The following AFAP1L1 variants were observed in gnomAD, a reference collection of about 807,000 sequenced individuals.
AFAP1L1 encodes the protein actin filament associated protein 1 like 1, also known as actin filament-associated protein 1-like 1.
In AFAP1L1, 77 loss-of-function variants were observed where a neutral mutation model predicts 99.8. The observed-to-expected ratio is 0.77, with a 90% CI of 0.64 to 0.93. The LOEUF (loss-of-function observed/expected upper bound fraction) is 0.93. Ranked by LOEUF, AFAP1L1 falls within the 40% of genes least tolerant of loss-of-function variation. AFAP1L1 has a pLI of 0.00. For synonymous variants in AFAP1L1, 373 were observed against 395.3 expected, an observed-to-expected ratio of 0.94 and a Z score of 0.67; for missense variants, 893 against 996.8, an observed-to-expected ratio of 0.90 and a Z score of 1.40.
rs1561690796 is a variant in AFAP1L1 at position 149,341,072 on chromosome 5, G to A, written c.*1042G>A. The A allele has an allele frequency of 6.6e-6, 1 of 152,144 alleles. No homozygotes were observed. Among genetic ancestry groups the A allele is most frequent in the Non-Finnish European group, 1.5e-5 (1 of 68,020 alleles). 9.4% of individuals were successfully genotyped at this position (152,144 alleles called of 1,614,324 possible). ...TCAAGTCCTGGGCAGTCTCCTTACT[G>A]TGCTACTCACTACTGTCTCAACACT... is the stretch of plus-strand genomic sequence containing the variant. On this transcript the variant is annotated 3_prime_UTR_variant, in exon 19 of 19. Coordinates refer to ENST00000296721, the MANE Select transcript of AFAP1L1 (RefSeq NM_152406.4).
Position 149,306,352 on chromosome 5 carries a change from C to A in AFAP1L1, c.483C>A (p.Asp161Glu), listed in dbSNP as rs375197456. The change falls in exon 6 of 19, where the codon GAC becomes GAA. Residue 161 changes from aspartate to glutamate, a missense_variant. Asp to Glu is a conservative substitution (Grantham distance 45). Coordinates refer to ENST00000296721, the MANE Select transcript of AFAP1L1 (RefSeq NM_152406.4). ...CGATTGTGGATGGCTACTATGAGGACGCAGACAGCAGCTACCCTGCAACCA... is the reference window on the plus strand; with the variant it reads ...CGATTGTGGATGGCTACTATGAGGAAGCAGACAGCAGCTACCCTGCAACCA... ...SHSIVDGYYE[D>E]ADSSYPATRV... The A allele has an allele frequency of 1.2e-6, 2 of 1,613,626 alleles. No individual in the cohort carries two copies. The highest frequency in any genetic ancestry group is 1.1e-5 in the South Asian group (1 of 90,894).
At chr5:149,279,769 T>C (rs1755456048) in intron 1 of AFAP1L1, among the ~76,000 whole-genome samples, 3 of 152,014 alleles carry the variant, frequency 2.0e-5, no homozygotes, top group Admixed American at 1.3e-4. Context: ...ACACTGGCCC[T>C]GCTCCTTGCA....
chr5:149,312,371 A>G lies in AFAP1L1; in HGVS notation c.1020+167A>G. ...TAGGTGCTTAATAAATGTCTCCTGA[A>G]TTCATGAATGCATGAACAAACGAGT... On this transcript the variant is annotated intron_variant, in intron 9 of 18. Transcript: ENST00000296721. 3 of 707,828 alleles carry G rather than the reference A, an allele frequency of 4.2e-6. No homozygotes were observed. In the South Asian group the frequency reaches 4.6e-5, roughly 11 times the overall value. 43.8% of individuals were successfully genotyped at this position (707,828 alleles called of 1,614,324 possible). A position where few individuals can be genotyped will look rare whatever the true frequency, so the allele number is the denominator to read the frequency against.
intron 15 of AFAP1L1, among the ~76,000 whole-genome samples, chr5:149,327,774 C>T (rs1757137571): frequency 6.6e-6 from 1 of 152,010 alleles, no homozygotes; most frequent in South Asian, 2.1e-4. Flanking sequence ...AGAAAAATGA[C>T]AGAGCCTCAG....
At chr5:149,322,908 G>A (rs1366441485) in intron 15 of AFAP1L1, among the ~76,000 whole-genome samples, 191 bp downstream of exon 15, 1 of 152,160 alleles carries the variant, frequency 6.6e-6, no homozygotes, top group East Asian at 1.9e-4. Context: ...TGGCCTCAGA[G>A]GGAAAATGAC....
intron 1 of AFAP1L1, among the ~76,000 whole-genome samples, chr5:149,280,651 A>G (rs768338116): frequency 6.6e-6 from 1 of 152,330 alleles, no homozygotes; most frequent in South Asian, 2.1e-4. Flanking sequence ...CTGTTACCCA[A>G]AGCAACCTCT....
rs1757562115 is a variant in AFAP1L1 at position 149,341,608 on chromosome 5, T to G, written c.*1578T>G. 1 of 152,252 alleles carries G rather than the reference T, an allele frequency of 6.6e-6. No homozygotes were observed. Among genetic ancestry groups the G allele is most frequent in the Non-Finnish European group, 1.5e-5 (1 of 68,066 alleles). 9.4% of individuals were successfully genotyped at this position (152,252 alleles called of 1,614,324 possible). A position where few individuals can be genotyped will look rare whatever the true frequency, so the allele number is the denominator to read the frequency against. On this transcript the variant is annotated 3_prime_UTR_variant, in exon 19 of 19. Coordinates refer to ENST00000296721, the MANE Select transcript of AFAP1L1 (RefSeq NM_152406.4). ...AATGCTCAGTCAATAGTGGCTCTCA[T>G]TAGCCAGGCATGGTGGTACTCGCCT...
chr5:149,288,592 G>A (rs181601981), intron 1 of AFAP1L1, among the ~76,000 whole-genome samples: 87 of 152,308 alleles, frequency 5.7e-4, no homozygotes, highest in African/African-American at 2.0e-3. Flanking sequence ...TGAGGAGTGC[G>A]CGTGTGTGTC....
At chr5:149,332,588 G>T in intron 16 of AFAP1L1, 107 bp from the exon 17 acceptor site, 2 of 1,227,846 alleles carry the variant, frequency 1.6e-6, no homozygotes, top group Non-Finnish European at 2.2e-6. Context: ...AAGACTGGGG[G>T]CTGGAAGGGC....
chr5:149,290,125 C>A (rs200366788), intron 1 of AFAP1L1, among the ~76,000 whole-genome samples: 1 of 152,068 alleles, frequency 6.6e-6, no homozygotes, highest in Non-Finnish European at 1.5e-5. Flanking sequence ...CCAAGCTACT[C>A]GGGAGGCTGA....
intron 1 of AFAP1L1, among the ~76,000 whole-genome samples, chr5:149,291,626 A>G (rs939502167): frequency 6.6e-6 from 1 of 151,550 alleles, no homozygotes; most frequent in Non-Finnish European, 1.5e-5. Flanking sequence ...CACCCTACCC[A>G]AGCACTGAGC....
intron 7 of AFAP1L1, among the ~76,000 whole-genome samples, chr5:149,307,856 C>CTCTCTCTCTCTCTCTCTCTCT (rs1310196130): frequency 6.7e-6 from 1 of 149,016 alleles, no homozygotes; most frequent in African/African-American, 2.5e-5. Flanking sequence ...CTCTCTCTCT[C>CTCTCTCTCTCTCTCTCTCTCT]TTAAATTTAA....
rs554821055 is a variant in AFAP1L1, at chr5:149,320,325, C to T, written c.1626-66C>T. Reference sequence around the variant, plus strand: ...GCCAGAATCAATGAGAGTGAGGACACGAAAGCACTGTAAGCTGCAAAGCAT... The same window carrying T: ...GCCAGAATCAATGAGAGTGAGGACATGAAAGCACTGTAAGCTGCAAAGCAT... On this transcript the variant is annotated intron_variant, in intron 13 of 18. Transcript: ENST00000296721. The surrounding 1 kb of genome is among the most constrained non-coding windows in gnomAD (Gnocchi z 4.0). 6.0e-6 allele frequency: 9 copies of T among 1,511,894 alleles called. No homozygotes were observed. Among genetic ancestry groups the T allele is most frequent in the African/African-American group, 1.4e-5 (1 of 73,014 alleles). 93.7% of individuals were successfully genotyped at this position (1,511,894 alleles called of 1,614,324 possible). A position where few individuals can be genotyped will look rare whatever the true frequency, so the allele number is the denominator to read the frequency against.
At chr5:149,285,049 C>A (rs1347352468) in intron 1 of AFAP1L1, among the ~76,000 whole-genome samples, 1 of 152,146 alleles carries the variant, frequency 6.6e-6, no homozygotes, top group East Asian at 1.9e-4. Flanking sequence ...TCAACGTTTT[C>A]TTGGATCCTC....
At chr5:149,322,946 T>C (rs960231797) in intron 15 of AFAP1L1, among the ~76,000 whole-genome samples, 1 of 152,054 alleles carries the variant, frequency 6.6e-6, no homozygotes, top group East Asian at 1.9e-4. Context: ...GGAGGTACTG[T>C]AGGAAACCGG....
intron 11 of AFAP1L1, 149 bp downstream of exon 11, chr5:149,316,452 T>C: frequency 1.0e-6 from 1 of 956,190 alleles, no homozygotes; most frequent in Non-Finnish European, 1.5e-6. Flanking sequence ...CCCCACTCCA[T>C]TAACACTCTA....
In AFAP1L1 at chr5:149,307,400, A is replaced by G; in HGVS notation, c.536-2A>G. On this transcript the variant is annotated splice_acceptor_variant, in intron 6 of 18. Transcript: ENST00000296721. LOFTEE classifies it high-confidence loss of function. ...ATGGATCCTTTCCCGTGACGCCTGC[A>G]GATAATGACTCTGACGCAATGAGCA... 1 of 1,614,098 alleles carries G rather than the reference A, an allele frequency of 6.2e-7. No individual in the cohort carries two copies. The highest frequency in any genetic ancestry group is 8.5e-7 in the Non-Finnish European group (1 of 1,179,988).
chr5:149,316,034 C>A, intron 10 of AFAP1L1, 117 bp from the exon 11 acceptor site: 3 of 1,576,726 alleles, frequency 1.9e-6, no homozygotes, highest in Non-Finnish European at 2.6e-6. Flanking sequence ...GTGACCTGGC[C>A]TGCCATCCCT....
chr5:149,309,174 G>A (rs967497238), intron 7 of AFAP1L1, among the ~76,000 whole-genome samples: 1 of 152,152 alleles, frequency 6.6e-6, no homozygotes, highest in African/African-American at 2.4e-5. Flanking sequence ...GTTTGTAGAT[G>A]AAAATGTTCC....
Sources: gnomAD v4.1 joint callset for allele counts (sites outside exome capture counted in the v4.1 genomes callset) on GRCh38, gnomAD v4.1.1 for gene constraint, Gnocchi (gnomAD v3.1) non-coding constraint, MANE v1.5 for transcripts, NCBI Gene and HGNC (gene_info 2026-07-23, HGNC 2026-07-21) for gene names.